TARS2: variants seen among roughly 807,000 people sequenced by gnomAD.
TARS2 encodes the protein threonyl-tRNA synthetase 2, mitochondrial.
In TARS2, 61 loss-of-function variants were observed where a neutral mutation model predicts 94.4. The observed-to-expected ratio is 0.65, with a 90% confidence interval of 0.53 to 0.80. The LOEUF (loss-of-function observed/expected upper bound fraction) is 0.80. Among genes scored for constraint, TARS2 ranks in the 30% least tolerant of loss-of-function variants. TARS2 has a pLI of 0.00. For missense variants in TARS2, 704 were observed against 902.5 expected (o/e 0.78, Z 2.82); for synonymous variants, 359 against 353.4 (o/e 1.02, Z -0.18).
intron 13 of TARS2, 142 bp downstream of exon 13, chr1:150,499,435 C>T (rs1263013066): frequency 1.4e-6 from 1 of 732,672 alleles, no homozygotes; most frequent in Non-Finnish European, 2.2e-6. Flanking sequence ...GTGATCTCAG[C>T]TCACTGCAAC....
Position 150,504,717 on chromosome 1 carries a change from A to G in TARS2, c.1804A>G (p.Ser602Gly). Reference protein sequence around the residue: ...VERLLGVLAESCGGKWPLWLS... With the variant: ...VERLLGVLAEGCGGKWPLWLS... ...AAGACTGTTGGGAGTGCTGGCAGAA[A>G]GCTGCGGGGGGAAATGGTGAGACCT... Residue 602 changes from serine (S) to glycine (G), a missense_variant, in exon 15 of 18, where the codon AGC (serine) becomes GGC (glycine). By Grantham distance (56) the Ser-to-Gly change is moderately conservative (BLOSUM62 0). Around this residue, in one of 3 missense-constraint regions of TARS2, gnomAD observed 466 missense variants for 609.5 expected, o/e 0.76. Transcript: ENST00000369064. 1 of 1,614,156 alleles carries G rather than the reference A, an allele frequency of 6.2e-7. No homozygotes were observed. The highest frequency in any genetic ancestry group is 1.1e-5 in the South Asian group (1 of 91,088).
chr1:150,491,942 G>A (rs1669405994), intron 6 of TARS2: 1 of 317,248 alleles, frequency 3.2e-6, no homozygotes, highest in African/African-American at 2.2e-5. Context: ...TTACAGGCAT[G>A]TGCCACCATG....
Position 150,496,464 on chromosome 1 carries a change from C to T in TARS2, c.775-18C>T. 6.3e-7 allele frequency: 1 copy of T among 1,579,898 alleles called. No homozygotes were observed. The highest frequency in any genetic ancestry group is 8.6e-7 in the Non-Finnish European group (1 of 1,159,602). ...TTCAGTCCTCATCTTTCCTTTGATC[C>T]CCTATGTCCTCACACAGAACTCATC... is the stretch of plus-strand genomic sequence containing the variant. On this transcript the variant is annotated intron_variant, in intron 7 of 17. Coordinates refer to ENST00000369064, the MANE Select transcript of TARS2 (RefSeq NM_025150.5).
chr1:150,491,126 T>C (rs1323205267), intron 4 of TARS2, among the ~76,000 whole-genome samples: 1 of 152,230 alleles, frequency 6.6e-6, no homozygotes, highest in African/African-American at 2.4e-5. Context: ...ATTCAAGTTT[T>C]ACTTAATCGC....
intron 4 of TARS2, among the ~76,000 whole-genome samples, chr1:150,490,959 G>A (rs1216173734): frequency 6.6e-6 from 1 of 151,928 alleles, no homozygotes; most frequent in Non-Finnish European, 1.5e-5. Context: ...GGAGGCTGAG[G>A]TGGAAGGATC....
At chr1:150,494,053 T>G (rs967487186) in intron 7 of TARS2, among the ~76,000 whole-genome samples, 3 of 151,720 alleles carry the variant, frequency 2.0e-5, no homozygotes, top group African/African-American at 7.3e-5. Flanking sequence ...GTCCTACCAG[T>G]AAATTCACCT....
chr1:150,506,574 G>GACAC (rs59687878), intron 17 of TARS2, among the ~76,000 whole-genome samples: 1,562 of 109,138 alleles, frequency 0.014, 42 homozygotes, highest in African/African-American at 0.047. Flanking sequence ...TAATGTCTCT[G>GACAC]ACACACACAC....
chr1:150,490,739 G>A lies in TARS2; in HGVS notation c.512+14G>A, dbSNP rs1216979168. 1.9e-6 allele frequency: 3 copies of A among 1,613,188 alleles called. No individual in the cohort carries two copies. The Admixed American group carries it at 5.0e-5, about 27-fold the overall frequency. ...GGGAAAGGAGAGGTGAGTAATGAAA[G>A]GAAGGAGGAGAATGATTCTGGGATG... On this transcript the variant is annotated intron_variant, in intron 4 of 17. Transcript: ENST00000369064.
At chr1:150,503,627 A>G (rs12753380) in intron 13 of TARS2, among the ~76,000 whole-genome samples, 63,664 of 123,482 alleles carry the variant, frequency 0.52, 15,348 homozygotes, top group Non-Finnish European at 0.56. Flanking sequence ...ATGTGTGTGT[A>G]TATATGTGTG....
chr1:150,498,761 A>T, intron 11 of TARS2, 97 bp downstream of exon 11: 1 of 1,606,352 alleles, frequency 6.2e-7, no homozygotes, highest in Admixed American at 1.7e-5. Flanking sequence ...CCCTGTATGT[A>T]CTATAATTCA....
chr1:150,496,401 C>A, intron 7 of TARS2, 81 bp from the exon 8 acceptor site: 1 of 1,501,664 alleles, frequency 6.7e-7, no homozygotes, highest in South Asian at 1.3e-5. Flanking sequence ...ACACTTAACA[C>A]TGAGAGTATC....
chr1:150,503,706 TATACACACACACACACACAC>T (rs1386854636), intron 13 of TARS2, among the ~76,000 whole-genome samples: 2 of 145,572 alleles, frequency 1.4e-5, no homozygotes, highest in Non-Finnish European at 3.0e-5. Flanking sequence ...TGTGTGTATA[TATACACACACACACACACAC>T]ATATACACAC....
In TARS2 at chr1:150,496,550, C is replaced by G. The variant is rs1669671190; in HGVS notation, c.843C>G (p.Phe281Leu). ...TGCAGAGAGTGTCAGGGATTTCCTT[C>G]CCCACAACAGAATTGCTGAGGGTCT... ...ETLQRVSGIS[F>L]PTTELLRVWE... Residue 281 changes from phenylalanine (F) to leucine (L), a missense_variant, in exon 8 of 18, where the codon TTC (phenylalanine) becomes TTG (leucine). Transcript: ENST00000369064. 6.2e-7 allele frequency: 1 copy of G among 1,614,096 alleles called. No homozygotes were observed. The highest frequency in any genetic ancestry group is 1.3e-5 in the African/African-American group (1 of 75,010).
intron 2 of TARS2, 130 bp from the exon 3 acceptor site, chr1:150,488,834 A>T: frequency 7.4e-7 from 1 of 1,355,136 alleles, no homozygotes. Flanking sequence ...TCTGGTAACT[A>T]TCACTCTATT....
At chr1:150,495,391 A>G (rs1029651775) in intron 7 of TARS2, among the ~76,000 whole-genome samples, 3 of 151,092 alleles carry the variant, frequency 2.0e-5, no homozygotes, top group African/African-American at 7.3e-5. Flanking sequence ...TAACAGTTTT[A>G]TTTTATTTCA....
Position 150,496,650 on chromosome 1 carries a change from G to T in TARS2, c.921+22G>T, listed in dbSNP as rs765301267. 9.3e-6 allele frequency: 15 copies of T among 1,608,920 alleles called. 1 individual carries two copies. In the Admixed American group the frequency reaches 2.5e-4, roughly 27 times the overall value. On this transcript the variant is annotated intron_variant, in intron 8 of 17. Transcript: ENST00000369064. ...GAAGGTACAGGAATTGGGAAGATAG[G>T]GAGGGATGGTGATAAGGGTTGGAGA...
chr1:150,490,055 T>C (rs1481531453), intron 3 of TARS2, among the ~76,000 whole-genome samples: 2 of 151,058 alleles, frequency 1.3e-5, no homozygotes, highest in Non-Finnish European at 2.9e-5. Context: ...GGGGTGGGGC[T>C]GGAGCTTCTA....
At chr1:150,501,741 C>A (rs1669931421) in intron 13 of TARS2, among the ~76,000 whole-genome samples, 3 of 151,736 alleles carry the variant, frequency 2.0e-5, no homozygotes, top group African/African-American at 7.3e-5. Flanking sequence ...TCACTTGAGC[C>A]CAGGATTTTG....
In TARS2 at chr1:150,498,603, G is replaced by A. The variant is rs757680151; in HGVS notation, c.1340G>A (p.Gly447Glu). 4 of 1,612,308 alleles carry A rather than the reference G, an allele frequency of 2.5e-6. No homozygotes were observed. The East Asian group carries it at 6.7e-5, about 27-fold the overall frequency. ...GCCGAAGCCTCTGGTGGTCTGGGGG[G>A]ACTGACCCGACTGCGGTGCTTCCAG... ...HRAEASGGLG[G>E]LTRLRCFQQD... The change falls in exon 11 of 18, where the codon GGA becomes GAA. Residue 447 changes from glycine to glutamate, a missense_variant. Physicochemically the swap from Gly to Glu is moderately conservative, Grantham distance 98. This residue lies in a region of TARS2 where 466 missense variants were observed against 609.5 expected (regional missense o/e 0.76). Transcript: ENST00000369064.
Sources: allele counts gnomAD v4.1 joint callset (sites outside exome capture counted in the v4.1 genomes callset), GRCh38; gene constraint gnomAD v4.1.1; regional missense constraint gnomAD v4.1.1; transcripts MANE v1.5; gene names NCBI Gene and HGNC (gene_info 2026-07-23, HGNC 2026-07-21).